Variants in AK5 observed in about 807,000 individuals in gnomAD.
AK5 encodes adenylate kinase isoenzyme 5.
AK5 carries 27 observed loss-of-function variants against 69.5 expected under a neutral mutation model. The ratio of observed to expected loss-of-function variants is 0.39; its 90% CI spans 0.29 to 0.54. AK5 has a LOEUF of 0.54. Ranked by LOEUF, AK5 falls within the 20% of genes least tolerant of loss-of-function variation. The pLI is 0.71. For missense variants in AK5, 531 were observed against 700.4 expected, an observed-to-expected ratio of 0.76 and a Z score of 2.73; for synonymous variants, 260 against 244.4, an observed-to-expected ratio of 1.06 and a Z score of -0.60.
chr1:77,368,238 T>TAAATA (rs1557535331), intron 6 of AK5, among the ~76,000 whole-genome samples: 1 of 1,914 alleles, frequency 5.2e-4, no homozygotes, highest in African/African-American at 6.7e-4. Context: ...TATATATATA[T>TAAATA]ATATATATAT....
intron 10 of AK5, among the ~76,000 whole-genome samples, chr1:77,516,312 G>A (rs1373277672): frequency 6.6e-6 from 1 of 152,130 alleles, no homozygotes. Context: ...CAGGGGCTAG[G>A]GAAGTGAGGA....
chr1:77,453,602 T>G (rs928917103), intron 8 of AK5, among the ~76,000 whole-genome samples: 1 of 152,200 alleles, frequency 6.6e-6, no homozygotes, highest in African/African-American at 2.4e-5. Context: ...TTTGCTCCAT[T>G]GTGTAAGAGT....
chr1:77,402,205 A>G (rs145041718), intron 6 of AK5, among the ~76,000 whole-genome samples: 141 of 152,238 alleles, frequency 9.3e-4, no homozygotes, highest in African/African-American at 3.3e-3. Flanking sequence ...CACTCTACCT[A>G]TGCTACCGCT....
intron 10 of AK5, among the ~76,000 whole-genome samples, chr1:77,501,624 G>T (rs1041775669): frequency 6.6e-6 from 1 of 152,134 alleles, no homozygotes; most frequent in Non-Finnish European, 1.5e-5. Flanking sequence ...TAATATCATG[G>T]GACCATCCTT....
At chr1:77,317,406 G>C (rs575919423) in intron 5 of AK5, among the ~76,000 whole-genome samples, 1 of 152,254 alleles carries the variant, frequency 6.6e-6, no homozygotes, top group African/African-American at 2.4e-5. Flanking sequence ...TATTCAAGGG[G>C]AAGGGAATTA....
chr1:77,394,418 C>T (rs1648696290), intron 6 of AK5, among the ~76,000 whole-genome samples: 1 of 152,066 alleles, frequency 6.6e-6, no homozygotes, highest in Non-Finnish European at 1.5e-5. Context: ...TCCACAAAAC[C>T]TTCTTAATCC....
At chr1:77,547,024 G>T (rs1659575638) in intron 13 of AK5, among the ~76,000 whole-genome samples, 1 of 152,192 alleles carries the variant, frequency 6.6e-6, no homozygotes, top group Non-Finnish European at 1.5e-5. Flanking sequence ...GAGCAAGATT[G>T]AAGCAAGTGG....
intron 8 of AK5, among the ~76,000 whole-genome samples, chr1:77,458,705 C>A (rs1653648666): frequency 6.6e-6 from 1 of 152,130 alleles, no homozygotes; most frequent in South Asian, 2.1e-4. Flanking sequence ...GGAAGACCCA[C>A]CCCCAGGATT....
intron 6 of AK5, among the ~76,000 whole-genome samples, chr1:77,349,920 T>C (rs1325779120): frequency 6.6e-6 from 1 of 152,202 alleles, no homozygotes; most frequent in Non-Finnish European, 1.5e-5. Flanking sequence ...ATTATGATAG[T>C]CCTTTTATAG....
chr1:77,322,223 G>A (rs1332402978), intron 5 of AK5, among the ~76,000 whole-genome samples: 1 of 152,172 alleles, frequency 6.6e-6, no homozygotes, highest in East Asian at 1.9e-4. Flanking sequence ...AATGTGGTGA[G>A]TAGCCCTTGA....
intron 5 of AK5, among the ~76,000 whole-genome samples, chr1:77,308,460 C>G (rs1028605688): frequency 1.1e-4 from 1 of 9,152 alleles, no homozygotes; most frequent in African/African-American, 3.8e-4. Context: ...AAAAAAAAAT[C>G]TTTTTCTCAT....
At chr1:77,529,222 T>C (rs1443096124) in intron 12 of AK5, among the ~76,000 whole-genome samples, 1 of 152,318 alleles carries the variant, frequency 6.6e-6, no homozygotes, top group South Asian at 2.1e-4. Context: ...GGAATAGTAA[T>C]TATTTTTTGA....
At chr1:77,283,089 T>C in intron 1 of AK5, 1 of 985,284 alleles carries the variant, frequency 1.0e-6, no homozygotes, top group Non-Finnish European at 1.2e-6. Context: ...TGTTGCTCAG[T>C]CTTCAGACCG....
At chr1:77,523,676 T>C (rs928243714) in intron 12 of AK5, among the ~76,000 whole-genome samples, 1 of 152,164 alleles carries the variant, frequency 6.6e-6, no homozygotes, top group African/African-American at 2.4e-5. Flanking sequence ...TTTATTTTAT[T>C]TATTTTTATT....
At chr1:77,370,825 T>C (rs1021952507) in intron 6 of AK5, among the ~76,000 whole-genome samples, 3 of 152,164 alleles carry the variant, frequency 2.0e-5, no homozygotes, top group Non-Finnish European at 2.9e-5. Context: ...TCTGGGATCC[T>C]CCATCCCAGC....
At chr1:77,397,272 A>G (rs1311702866) in intron 6 of AK5, among the ~76,000 whole-genome samples, 1 of 151,832 alleles carries the variant, frequency 6.6e-6, no homozygotes, top group Non-Finnish European at 1.5e-5. Flanking sequence ...CGAGCCCCAC[A>G]TTGCCACACG....
chr1:77,337,971 T>C (rs1231685174), intron 5 of AK5, among the ~76,000 whole-genome samples: 2 of 151,190 alleles, frequency 1.3e-5, no homozygotes, highest in Non-Finnish European at 1.5e-5. Flanking sequence ...TTTTATTTTT[T>C]TTTTTTTTTT....
At chr1:77,296,400 G>T (rs1359960083) in intron 3 of AK5, among the ~76,000 whole-genome samples, 1 of 152,164 alleles carries the variant, frequency 6.6e-6, no homozygotes, top group African/African-American at 2.4e-5. Flanking sequence ...GAAACATTCA[G>T]TAATTAAGCT....
intron 6 of AK5, among the ~76,000 whole-genome samples, chr1:77,378,520 C>A (rs1647392951): frequency 6.6e-6 from 1 of 152,134 alleles, no homozygotes; most frequent in African/African-American, 2.4e-5. Context: ...GGGTTTCACC[C>A]ATGTTGATCA....
Sources: gnomAD v4.1 joint callset for allele counts (sites outside exome capture counted in the v4.1 genomes callset) on GRCh38, gnomAD v4.1.1 for gene constraint, MANE v1.5 for transcripts, NCBI Gene and HGNC (gene_info 2026-07-23, HGNC 2026-07-21) for gene names.